PHC3: variants seen among roughly 807,000 people sequenced by gnomAD.
The protein encoded by PHC3 is polyhomeotic homolog 3.
A neutral mutation model predicts 107.4 loss-of-function variants in PHC3; 13 were observed. The ratio of observed to expected loss-of-function variants is 0.12; its 90% CI spans 0.08 to 0.19. The LOEUF is 0.19. Ranked by LOEUF, PHC3 falls within the 10% of genes least tolerant of loss-of-function variation. PHC3 has a pLI of 1.00. For synonymous variants in PHC3, 456 were observed against 427.4 expected (o/e 1.07, Z -0.83); for missense variants, 992 against 1,210.9 (o/e 0.82, Z 2.68).
intron 12 of PHC3, 85 bp downstream of exon 12, chr3:170,106,747 C>G: frequency 1.4e-6 from 1 of 690,620 alleles, no homozygotes. Flanking sequence ...CTATAGTTAT[C>G]CTTGGTAAGC....
Position 170,164,183 on chromosome 3 carries a change from G to A in PHC3, c.414+7190C>T, listed in dbSNP as rs943278531. ...TGCCCTCCGGCCTGGCCAACAGAGT[G>A]AGATAGTATCTCCTAACAAAAACAA... is the stretch of plus-strand genomic sequence containing the variant. On this transcript the variant is annotated intron_variant, in intron 4 of 14. Transcript: ENST00000495893. Among the ~76,000 whole-genome samples, 5 of 152,166 alleles carry A rather than the reference G, an allele frequency of 3.3e-5. 1 individual carries two copies. In the South Asian group the frequency reaches 8.3e-4, roughly 25 times the overall value.
At chr3:170,171,221 C>T in intron 4 of PHC3, 152 bp downstream of exon 4, 1 of 609,886 alleles carries the variant, frequency 1.6e-6, no homozygotes. Context: ...GTTCTGAATT[C>T]TTGAATTTTA....
intron 4 of PHC3, among the ~76,000 whole-genome samples, chr3:170,163,329 T>C (rs1380357058): frequency 1.3e-5 from 2 of 152,116 alleles, no homozygotes; most frequent in African/African-American, 4.8e-5. Context: ...GGGATTCATG[T>C]AGTTATGGGC....
At chr3:170,127,560 C>G (rs889195837) in intron 8 of PHC3, among the ~76,000 whole-genome samples, 2 of 152,176 alleles carry the variant, frequency 1.3e-5, no homozygotes, top group African/African-American at 2.4e-5. Flanking sequence ...AAAATCTATA[C>G]ATTTGTATCA....
At chr3:170,101,614 G>A (rs1026416532) in intron 14 of PHC3, among the ~76,000 whole-genome samples, 14 of 152,068 alleles carry the variant, frequency 9.2e-5, no homozygotes, top group Non-Finnish European at 1.6e-4. Flanking sequence ...TTCCATATGC[G>A]TAAGGTCAAA....
chr3:170,127,498 G>T (rs1042337604), intron 8 of PHC3, among the ~76,000 whole-genome samples: 1 of 128,176 alleles, frequency 7.8e-6, no homozygotes, highest in Non-Finnish European at 1.7e-5. Context: ...TTTACAGAAG[G>T]TATAATTCAA....
chr3:170,146,276 G>A (rs1268994969), intron 5 of PHC3, among the ~76,000 whole-genome samples: 2 of 151,596 alleles, frequency 1.3e-5, no homozygotes, highest in Non-Finnish European at 2.9e-5. Context: ...TCGAGAGGCT[G>A]AGGCAGGAGA....
At chr3:170,150,299 C>T (rs892488008) in intron 4 of PHC3, among the ~76,000 whole-genome samples, 10 of 151,970 alleles carry the variant, frequency 6.6e-5, no homozygotes, top group Non-Finnish European at 1.3e-4. Flanking sequence ...AGCTCTCAAG[C>T]AAAAGAAAAT....
At chr3:170,167,048 T>C (rs1435932601) in intron 4 of PHC3, among the ~76,000 whole-genome samples, 1 of 152,244 alleles carries the variant, frequency 6.6e-6, no homozygotes, top group African/African-American at 2.4e-5. Context: ...TGTATGAGTA[T>C]ACCTACTTTT....
chr3:170,148,905 TAATTA>T (rs1297263778), intron 5 of PHC3, 176 bp downstream of exon 5: 3 of 536,396 alleles, frequency 5.6e-6, no homozygotes, highest in Non-Finnish European at 9.8e-6. Flanking sequence ...GAAGACCTAT[TAATTA>T]AAAGTAGAAT....
intron 6 of PHC3, among the ~76,000 whole-genome samples, chr3:170,145,044 C>T (rs1476891474): frequency 6.6e-6 from 1 of 152,156 alleles, no homozygotes; most frequent in Non-Finnish European, 1.5e-5. Flanking sequence ...GTTTAATTCA[C>T]TTTCAAACTT....
intron 7 of PHC3, among the ~76,000 whole-genome samples, chr3:170,132,142 GAT>G (rs1722352152): frequency 6.6e-6 from 1 of 152,110 alleles, no homozygotes; most frequent in African/African-American, 2.4e-5. Flanking sequence ...TTATTGTCAG[GAT>G]GGCTTTAAAT....
chr3:170,131,271 T>C (rs1214761017), intron 7 of PHC3, among the ~76,000 whole-genome samples: 1 of 152,084 alleles, frequency 6.6e-6, no homozygotes, highest in Non-Finnish European at 1.5e-5. Context: ...ATATAGACTA[T>C]GCTAAACAGT....
chr3:170,096,112 T>C lies in PHC3; in HGVS notation c.*1118A>G, dbSNP rs1019162679. ...CAGAGGAGCACAGAGGTATGAAAGA[T>C]AATCAGAATGAATTAGTACTTTCTG... is the stretch of plus-strand genomic sequence containing the variant. On this transcript the variant is annotated 3_prime_UTR_variant, in exon 15 of 15. Transcript: ENST00000495893. 6.6e-6 allele frequency: 1 copy of C among 152,186 alleles called. No homozygotes were observed. The highest frequency in any genetic ancestry group is 6.6e-5 in the Admixed American group (1 of 15,256). 9.4% of individuals were successfully genotyped at this position (152,186 alleles called of 1,614,324 possible). A position where few individuals can be genotyped will look rare whatever the true frequency, so the allele number is the denominator to read the frequency against.
Position 170,117,451 on chromosome 3 carries a change from T to C in PHC3, c.1968A>G (p.Ala656=). The C allele has an allele frequency of 2.5e-6, 4 of 1,612,948 alleles. No homozygotes were observed. The highest frequency in any genetic ancestry group is 2.5e-6 in the Non-Finnish European group (3 of 1,179,296). The part of the protein sequence containing the change: ...LLEQVELPAV[A]SVSASVIKSP... ...ATTTAATTACTGAAGCACTGACTGA[T>C]GCCACAGCAGGTAATTCCACTTGCT... Residue 656 remains alanine (A), a synonymous_variant, in exon 10 of 15, where the codon GCA becomes GCG. Coordinates refer to ENST00000495893, the MANE Select transcript of PHC3 (RefSeq NM_024947.4).
At chr3:170,109,884 C>G (rs57570976) in intron 11 of PHC3, among the ~76,000 whole-genome samples, 3,777 of 152,174 alleles carry the variant, frequency 0.025, 138 homozygotes, top group African/African-American at 0.086. Context: ...GTGACCTCAC[C>G]ATTTTACACT....
intron 4 of PHC3, chr3:170,170,211 T>C (rs1320419860): frequency 6.6e-6 from 1 of 152,018 alleles, no homozygotes; most frequent in Non-Finnish European, 1.5e-5. Context: ...AACTATATTG[T>C]ATTGGAGCCA....
chr3:170,106,970 A>G (rs1285675395), intron 11 of PHC3, 24 bp from the exon 12 acceptor site: 2 of 1,549,416 alleles, frequency 1.3e-6, no homozygotes, highest in African/African-American at 1.4e-5. Flanking sequence ...AAACAAAGGA[A>G]AAAAAGGTTC....
At chr3:170,098,586 T>A (rs1714962048) in intron 14 of PHC3, among the ~76,000 whole-genome samples, 1 of 152,034 alleles carries the variant, frequency 6.6e-6, no homozygotes, top group Admixed American at 6.6e-5. Context: ...TATTTGTCAA[T>A]AAGGACTGAA....
Sources: gnomAD v4.1 joint callset for allele counts (sites outside exome capture counted in the v4.1 genomes callset) on GRCh38, gnomAD v4.1.1 for gene constraint, MANE v1.5 for transcripts, NCBI Gene and HGNC (gene_info 2026-07-23, HGNC 2026-07-21) for gene names.